The following ART3 variants were observed in gnomAD, a reference collection of about 807,000 sequenced individuals.
The protein encoded by ART3 is ADP-ribosyltransferase 3 (inactive).
A neutral mutation model predicts 48.5 loss-of-function variants in ART3; 49 were observed. The ratio of observed to expected loss-of-function variants is 1.01; its 90% CI spans 0.80 to 1.28. The LOEUF (loss-of-function observed/expected upper bound fraction) is 1.28. Among genes scored for constraint, ART3 ranks in the 50% most tolerant of loss-of-function variants. ART3 has a pLI of 0.00. For missense variants in ART3, 438 were observed against 454.3 expected (o/e 0.96, Z 0.33); for synonymous variants, 145 against 157.2 (o/e 0.92, Z 0.58).
chr4:76,052,466 G>T lies in ART3; in HGVS notation c.-9-23415G>T, dbSNP rs141897253. Among the ~76,000 whole-genome samples the T allele has an allele frequency of 2.3e-3, 352 of 152,174 alleles. 3 individuals are homozygous for T. Among genetic ancestry groups the T allele is most frequent in the African/African-American group, 7.9e-3 (330 of 41,520 alleles). The stretch of plus-strand genomic sequence containing the variant: ...CCATCTACCTTTCCTTTCCTTGTCA[G>T]TATAAATTTGGGGGATACAAATATA... On this transcript the variant is annotated intron_variant, in intron 1 of 9. Transcript: ENST00000341029.
intron 1 of ART3, among the ~76,000 whole-genome samples, chr4:76,040,728 A>G (rs1734902352): frequency 1.3e-5 from 2 of 152,130 alleles, no homozygotes; most frequent in Admixed American, 1.3e-4. Context: ...GCTTTTCCTC[A>G]GAGCTAAATC....
intron 3 of ART3, among the ~76,000 whole-genome samples, chr4:76,091,100 G>A (rs183492401): frequency 1.3e-5 from 2 of 152,174 alleles, no homozygotes; most frequent in African/African-American, 4.8e-5. Flanking sequence ...TATTTATGCT[G>A]TTGTAGAATA....
chr4:76,081,097 G>A (rs34747816), intron 2 of ART3, among the ~76,000 whole-genome samples: 16,869 of 152,240 alleles, frequency 0.11, 1,270 homozygotes, highest in East Asian at 0.34. Context: ...GAAGAGTACA[G>A]TTAGGCCCAG....
intron 11 of ART3, among the ~76,000 whole-genome samples, chr4:76,109,599 G>A (rs1729099836): frequency 1.3e-5 from 2 of 152,182 alleles, no homozygotes; most frequent in African/African-American, 4.8e-5. Flanking sequence ...GTGCTATACA[G>A]TTATACAACT....
At position 76,085,170 on chromosome 4, in the gene ART3, G is replaced by T. The variant is rs760749599; in HGVS notation, c.781+2635G>T. Among the ~76,000 whole-genome samples the T allele has an allele frequency of 3.0e-4, 46 of 152,278 alleles. 1 individual carries two copies. The highest frequency in any genetic ancestry group is 8.8e-5 in the Non-Finnish European group (6 of 68,008). On this transcript the variant is annotated intron_variant, in intron 3 of 11. Transcript: ENST00000355810. The stretch of plus-strand genomic sequence containing the variant: ...CTGCAAAACTGAGTAAACTGGTGAG[G>T]GGTTGGCCTTTTTGGGTCTTGAAGG...
At chr4:76,029,399 A>G (rs1322821269) in intron 1 of ART3, among the ~76,000 whole-genome samples, 4 of 152,230 alleles carry the variant, frequency 2.6e-5, no homozygotes. Context: ...TTATGGTGCC[A>G]GGATTTTTAG....
At chr4:76,097,231 G>T (rs562267969) in intron 3 of ART3, among the ~76,000 whole-genome samples, 93 of 152,128 alleles carry the variant, frequency 6.1e-4, no homozygotes, top group Admixed American at 1.4e-3. Context: ...TTGAGATAGG[G>T]TCTCACTCTG....
At chr4:76,100,058 C>CA (rs1726924797) in intron 5 of ART3, among the ~76,000 whole-genome samples, 1 of 152,176 alleles carries the variant, frequency 6.6e-6, no homozygotes, top group African/African-American at 2.4e-5. Flanking sequence ...CCCTGGTAGA[C>CA]AAGCTATTTG....
chr4:76,013,290 G>A (rs1731968203), intron 1 of ART3, among the ~76,000 whole-genome samples: 1 of 152,196 alleles, frequency 6.6e-6, no homozygotes, highest in Non-Finnish European at 1.5e-5. Flanking sequence ...TTTAGCAAGG[G>A]TGGACGGTAG....
chr4:76,096,128 G>A (rs1320513502), intron 3 of ART3, among the ~76,000 whole-genome samples: 1 of 152,106 alleles, frequency 6.6e-6, no homozygotes, highest in Non-Finnish European at 1.5e-5. Context: ...TCACCATGTT[G>A]GCCAGGCTGG....
chr4:76,106,368 A>G lies in ART3; in HGVS notation c.1004-1393A>G, dbSNP rs186067795. On this transcript the variant is annotated intron_variant, in intron 10 of 11. Coordinates refer to ENST00000355810, the MANE Select transcript of ART3 (RefSeq NM_001130016.3). The stretch of plus-strand genomic sequence containing the variant: ...AGTTACAATGGTCAGTCTGTAAGAA[A>G]CACGAAAAGGTGGCTTGCCAGTTAG... 6,381 of 985,234 alleles carry G rather than the reference A, an allele frequency of 6.5e-3. 27 individuals are homozygous for G. The highest frequency in any genetic ancestry group is 7.3e-3 in the Non-Finnish European group (6,051 of 829,718). 61.0% of individuals were successfully genotyped at this position (985,234 alleles called of 1,614,324 possible).
chr4:76,066,785 C>T (rs1719774593), intron 1 of ART3, among the ~76,000 whole-genome samples: 1 of 152,168 alleles, frequency 6.6e-6, no homozygotes, highest in Non-Finnish European at 1.5e-5. Context: ...ACTGGAGACC[C>T]ACCCCCTTCC....
intron 1 of ART3, among the ~76,000 whole-genome samples, chr4:76,054,351 C>G (rs1270538104): frequency 1.3e-5 from 2 of 152,000 alleles, no homozygotes; most frequent in Non-Finnish European, 2.9e-5. Flanking sequence ...AGGAGTATTT[C>G]AGGACACATC....
At chr4:76,064,205 A>G (rs917589462) in intron 1 of ART3, among the ~76,000 whole-genome samples, 7 of 152,216 alleles carry the variant, frequency 4.6e-5, no homozygotes, top group Non-Finnish European at 1.0e-4. Context: ...AATTGGAAAT[A>G]GAAGCACATT....
At chr4:76,067,243 T>C (rs1719830932) in intron 1 of ART3, among the ~76,000 whole-genome samples, 1 of 152,256 alleles carries the variant, frequency 6.6e-6, no homozygotes, top group Non-Finnish European at 1.5e-5. Context: ...AAAGTTGTCA[T>C]GATAGAATTC....
chr4:76,070,271 G>A (rs1489536048), upstream of ART3, among the ~76,000 whole-genome samples: 1 of 152,118 alleles, frequency 6.6e-6, no homozygotes, highest in African/African-American at 2.4e-5. Context: ...CTGCCAAATT[G>A]TTTAAAAAAT....
At chr4:76,083,203 G>A (rs1386991222) in intron 3 of ART3, among the ~76,000 whole-genome samples, 1 of 151,894 alleles carries the variant, frequency 6.6e-6, no homozygotes, top group Non-Finnish European at 1.5e-5. Flanking sequence ...TCTCAAAAAA[G>A]AAGAAAAAGA....
chr4:76,097,762 G>A, intron 4 of ART3, 86 bp downstream of exon 4: 1 of 1,046,574 alleles, frequency 9.6e-7, no homozygotes, highest in South Asian at 1.4e-5. Context: ...CCCCACCACT[G>A]TACTGTCGTT....
intron 1 of ART3, chr4:76,075,398 AGG>A (rs1308553844): frequency 6.5e-6 from 1 of 153,276 alleles, no homozygotes; most frequent in Non-Finnish European, 1.5e-5. Context: ...CCCACTCAAA[AGG>A]GCATGACAAT....
Sources: gnomAD v4.1 joint callset for allele counts (sites outside exome capture counted in the v4.1 genomes callset) on GRCh38, gnomAD v4.1.1 for gene constraint, MANE v1.5 for transcripts, NCBI Gene and HGNC (gene_info 2026-07-23, HGNC 2026-07-21) for gene names.